The following RELN variants were observed in gnomAD, a reference collection of about 807,000 sequenced individuals.
The protein encoded by RELN is reelin.
A neutral mutation model predicts 427.6 loss-of-function variants in RELN; 108 were observed. The observed-to-expected ratio is 0.25, with a 90% confidence interval of 0.22 to 0.30. The LOEUF (loss-of-function observed/expected upper bound fraction) is 0.30, where lower values mean the gene tolerates loss of function less well. RELN is among the 10% of genes least tolerant of loss of function. The pLI is 1.00. For missense variants in RELN, 3,715 were observed against 4,302.8 expected, an observed-to-expected ratio of 0.86 and a Z score of 3.82; for synonymous variants, 1,524 against 1,513.4, an observed-to-expected ratio of 1.01 and a Z score of -0.16.
At position 103,565,425 on chromosome 7, in the gene RELN, A is replaced by G; in HGVS notation, c.5063T>C (p.Leu1688Pro). The G allele has an allele frequency of 6.2e-7, 1 of 1,614,092 alleles. No individual in the cohort carries two copies. The highest frequency in any genetic ancestry group is 1.6e-4 in the Middle Eastern group (1 of 6,062). The change falls in exon 34 of 65, where the codon CTG becomes CCG. Residue 1688 changes from leucine to proline, a missense_variant. This residue lies in a region of RELN where 2,208 missense variants were observed against 2,361.7 expected (regional missense o/e 0.93). Coordinates refer to ENST00000428762, the MANE Select transcript of RELN (RefSeq NM_005045.4). The stretch of plus-strand genomic sequence containing the variant: ...AAGATGCCAGTCCTTGCCATTGTTC[A>G]GAGAATACTGGAGCTGTACACTGTG... ...NSHSVQLQYS[L>P]NNGKDWHLVT...
chr7:103,786,672 T>G (rs1050787374), intron 3 of RELN, among the ~76,000 whole-genome samples: 1 of 151,982 alleles, frequency 6.6e-6, no homozygotes, highest in Non-Finnish European at 1.5e-5. Context: ...TATATATGCA[T>G]CCAATACAGG....
intron 1 of RELN, among the ~76,000 whole-genome samples, chr7:103,918,991 T>C (rs1440172245): frequency 6.6e-6 from 1 of 152,146 alleles, no homozygotes; most frequent in Non-Finnish European, 1.5e-5. Flanking sequence ...GATTATAATC[T>C]GCTTGCTAGA....
chr7:103,617,590 T>G (rs1295935353), intron 20 of RELN, among the ~76,000 whole-genome samples: 3 of 150,166 alleles, frequency 2.0e-5, no homozygotes, highest in Non-Finnish European at 2.9e-5. Context: ...ATTCCTTTCA[T>G]ATATATATAT....
chr7:103,633,923 G>T (rs1166570337), intron 19 of RELN, among the ~76,000 whole-genome samples: 1 of 152,022 alleles, frequency 6.6e-6, no homozygotes, highest in African/African-American at 2.4e-5. Context: ...CAGTAAGAAA[G>T]TTGAGTTTAG....
intron 2 of RELN, among the ~76,000 whole-genome samples, chr7:103,894,131 A>G (rs1344965687): frequency 6.6e-6 from 1 of 152,186 alleles, no homozygotes; most frequent in Non-Finnish European, 1.5e-5. Context: ...TTATTTCAAG[A>G]GAAACTAGCA....
intron 2 of RELN, among the ~76,000 whole-genome samples, chr7:103,879,878 T>C (rs957806326): frequency 4.6e-5 from 7 of 152,180 alleles, no homozygotes; most frequent in Admixed American, 2.0e-4. Flanking sequence ...AGCTTGCACA[T>C]GTATAATCAT....
chr7:103,617,566 ATG>A (rs112297534), intron 20 of RELN, among the ~76,000 whole-genome samples: 1 of 151,542 alleles, frequency 6.6e-6, no homozygotes, highest in Non-Finnish European at 1.5e-5. Flanking sequence ...ATGTATATAT[ATG>A]TGTGTATATA....
rs556185943 is a variant in RELN, at chr7:103,895,173, T to C, written c.337+21902A>G. Among the ~76,000 whole-genome samples the C allele has an allele frequency of 2.6e-4, 40 of 152,260 alleles. 1 individual carries two copies. The South Asian group carries it at 8.3e-3, about 32-fold the overall frequency. On this transcript the variant is annotated intron_variant, in intron 2 of 64. Coordinates refer to ENST00000428762, the MANE Select transcript of RELN (RefSeq NM_005045.4). ...AAGAAAAACAGTGTTTCTTTCCAAT[T>C]ATCGCAGAACTCAGTGATTATTTAA... is the stretch of plus-strand genomic sequence containing the variant.
intron 1 of RELN, among the ~76,000 whole-genome samples, chr7:103,942,196 C>T (rs1462385846): frequency 6.6e-6 from 1 of 152,070 alleles, no homozygotes; most frequent in Non-Finnish European, 1.5e-5. Flanking sequence ...TTCAAGGATA[C>T]AATAATTAAT....
intron 2 of RELN, among the ~76,000 whole-genome samples, chr7:103,880,736 G>C (rs1306614343): frequency 5.9e-5 from 9 of 152,144 alleles, no homozygotes; most frequent in Admixed American, 5.9e-4. Flanking sequence ...ATGCAGGCTG[G>C]AGTGCAGTGG....
chr7:103,941,710 A>G (rs934946335), intron 1 of RELN, among the ~76,000 whole-genome samples: 5 of 152,172 alleles, frequency 3.3e-5, no homozygotes, highest in East Asian at 1.9e-4. Flanking sequence ...ATATAAACTC[A>G]TAACATTTAA....
At chr7:103,884,403 A>C (rs1193704825) in intron 2 of RELN, among the ~76,000 whole-genome samples, 1 of 152,212 alleles carries the variant, frequency 6.6e-6, no homozygotes, top group Non-Finnish European at 1.5e-5. Flanking sequence ...CACCAAAAGC[A>C]ATGGCAACAA....
intron 1 of RELN, among the ~76,000 whole-genome samples, chr7:103,926,636 T>TG (rs1404227259): frequency 3.5e-3 from 80 of 22,704 alleles, no homozygotes; most frequent in Non-Finnish European, 4.0e-3. Context: ...AGTTTTTTTT[T>TG]TTTTTTTTTT....
At chr7:103,608,150 T>C (rs1164348069) in intron 22 of RELN, among the ~76,000 whole-genome samples, 1 of 152,236 alleles carries the variant, frequency 6.6e-6, no homozygotes, top group Non-Finnish European at 1.5e-5. Flanking sequence ...CTGCATTCCC[T>C]TTCCCCAATG....
At chr7:103,911,511 C>T (rs1403472421) in intron 2 of RELN, among the ~76,000 whole-genome samples, 1 of 145,978 alleles carries the variant, frequency 6.9e-6, no homozygotes, top group Non-Finnish European at 1.5e-5. Flanking sequence ...TGGGTATATA[C>T]CCAAATGACT....
At chr7:103,736,913 G>T (rs1790507941) in intron 6 of RELN, among the ~76,000 whole-genome samples, 1 of 152,140 alleles carries the variant, frequency 6.6e-6, no homozygotes, top group Admixed American at 6.6e-5. Flanking sequence ...TAGAAAAAGA[G>T]GGGAATGAGG....
chr7:103,727,237 C>T (rs972301384), intron 7 of RELN, among the ~76,000 whole-genome samples: 3 of 151,910 alleles, frequency 2.0e-5, no homozygotes, highest in Non-Finnish European at 4.4e-5. Flanking sequence ...AAAATACAAC[C>T]TATTACTAGA....
At chr7:103,571,146 C>T (rs1425796219) in intron 31 of RELN, among the ~76,000 whole-genome samples, 1 of 152,164 alleles carries the variant, frequency 6.6e-6, no homozygotes, top group Non-Finnish European at 1.5e-5. Flanking sequence ...ATGAACACAG[C>T]TGTTGGTAGC....
At chr7:103,812,093 T>A (rs528154171) in intron 3 of RELN, among the ~76,000 whole-genome samples, 1 of 152,308 alleles carries the variant, frequency 6.6e-6, no homozygotes, top group East Asian at 1.9e-4. Context: ...GAGAAAACAT[T>A]TGCTTTCAGG....
Sources: gnomAD v4.1 joint callset for allele counts (sites outside exome capture counted in the v4.1 genomes callset) on GRCh38, gnomAD v4.1.1 for gene constraint, gnomAD v4.1.1 regional missense constraint, MANE v1.5 for transcripts, NCBI Gene and HGNC (gene_info 2026-07-23, HGNC 2026-07-21) for gene names.